ACKR1: variants seen among roughly 807,000 people sequenced by gnomAD.
ACKR1 encodes the protein atypical chemokine receptor 1 (Duffy blood group), also known as atypical chemokine receptor 1.
In ACKR1, 3 loss-of-function variants were observed where a neutral mutation model predicts 2.5. The observed-to-expected ratio is 1.18, with a 90% CI of 0.54 to 3.06. ACKR1 has a LOEUF of 3.06. ACKR1 is among the 30% of genes most tolerant of loss of function. The pLI is 0.03. For synonymous variants in ACKR1, 208 were observed against 178.2 expected, an observed-to-expected ratio of 1.17 and a Z score of -1.33; for missense variants, 438 against 395.2, an observed-to-expected ratio of 1.11 and a Z score of -0.92.
In ACKR1 at chr1:159,206,207, T is replaced by C; in HGVS notation, c.768T>C (p.His256=). The change falls in exon 2 of 2, where the codon CAT becomes CAC. Residue 256 remains histidine, a synonymous_variant. Transcript: ENST00000368122. ...LWAWFIFWWP[H]GVVLGLDFLV... is the part of the protein sequence containing the mutation. ...CCTGGTTTATTTTCTGGTGGCCTCA[T>C]GGGGTGGTTCTAGGACTGGATTTCC... 6.2e-7 allele frequency: 1 copy of C among 1,614,244 alleles called. No homozygotes were observed. The highest frequency in any genetic ancestry group is 8.5e-7 in the Non-Finnish European group (1 of 1,180,034).
chr1:159,205,347 G>C, intron 1 of ACKR1, 114 bp from the exon 2 acceptor site: 3 of 1,308,056 alleles, frequency 2.3e-6, no homozygotes, highest in South Asian at 1.4e-5. Context: ...CTCCTGCAGA[G>C]ACCTTGTTCT....
intron 1 of ACKR1, 154 bp from the exon 2 acceptor site, chr1:159,205,307 G>C: frequency 2.1e-6 from 2 of 956,516 alleles, no homozygotes; most frequent in Admixed American, 5.6e-5. Flanking sequence ...TCCCTGCTTT[G>C]TCCTTTTCCA....
intron 1 of ACKR1, 152 bp downstream of exon 1, chr1:159,205,132 C>G: frequency 1.1e-6 from 1 of 930,778 alleles, no homozygotes; most frequent in Non-Finnish European, 1.6e-6. Context: ...TTTTCCTTCT[C>G]TCCTTCCTAT....
rs753960182 is a variant in ACKR1 at position 159,206,013 on chromosome 1, G to A, written c.574G>A (p.Gly192Ser). 6.2e-7 allele frequency: 1 copy of A among 1,614,194 alleles called. No individual in the cohort carries two copies. The highest frequency in any genetic ancestry group is 1.7e-5 in the Admixed American group (1 of 60,026). ...LPVTLASGAS[G>S]GLCTLIYSTE... Reference sequence around the variant, plus strand: ...TGTCACCCTGGCCAGTGGTGCTTCTGGTGGACTCTGCACCCTGATATACAG... The same window carrying A: ...TGTCACCCTGGCCAGTGGTGCTTCTAGTGGACTCTGCACCCTGATATACAG... The change falls in exon 2 of 2, where the codon GGT becomes AGT. Residue 192 changes from glycine (G) to serine (S), a missense_variant. Coordinates refer to ENST00000368122, the MANE Select transcript of ACKR1 (RefSeq NM_002036.4).
In ACKR1 at chr1:159,206,499, A is replaced by G. The variant is rs774224009; in HGVS notation, c.*49A>G. 7 of 1,524,534 alleles carry G rather than the reference A, an allele frequency of 4.6e-6. No homozygotes were observed. The highest frequency in any genetic ancestry group is 6.2e-6 in the Non-Finnish European group (7 of 1,128,610). The allele number at this position is 1,524,534 out of a possible 1,614,324, so 94.4% of individuals were successfully genotyped here. On this transcript the variant is annotated 3_prime_UTR_variant, in exon 2 of 2. Coordinates refer to ENST00000368122, the MANE Select transcript of ACKR1 (RefSeq NM_002036.4). Reference sequence around the variant, plus strand: ...AATTAAAGTCTACACTGCCTTTGTGAAGCGGGTGGTTTCTTATTTTGTCTG... The same window carrying G: ...AATTAAAGTCTACACTGCCTTTGTGGAGCGGGTGGTTTCTTATTTTGTCTG...
chr1:159,205,563 G>T lies in ACKR1; in HGVS notation c.124G>T (p.Gly42Cys). 1 of 1,614,222 alleles carries T rather than the reference G, an allele frequency of 6.2e-7. No individual in the cohort carries two copies. The highest frequency in any genetic ancestry group is 8.5e-7 in the Non-Finnish European group (1 of 1,180,032). The change falls in exon 2 of 2, where the codon GGT (glycine) becomes TGT (cysteine). Residue 42 changes from glycine to cysteine, a missense_variant. Coordinates refer to ENST00000368122, the MANE Select transcript of ACKR1 (RefSeq NM_002036.4). ...TGATTCCTTCCCAGATGGAGACTAT[G>T]GTGCCAACCTGGAAGCAGCTGCCCC... ...VNDSFPDGDY[G>C]ANLEAAAPCH...
At chr1:159,205,071 TC>T (rs1650393582) in intron 1 of ACKR1, 91 bp downstream of exon 1, 3 of 1,435,484 alleles carry the variant, frequency 2.1e-6, no homozygotes, top group Non-Finnish European at 2.8e-6. Flanking sequence ...CTCTTCCTTT[TC>T]CTCCTCATCT....
At position 159,206,094 on chromosome 1, in the gene ACKR1, G is replaced by T. The variant is rs146219376; in HGVS notation, c.655G>T (p.Val219Phe). The change falls in exon 2 of 2, where the codon GTC (valine) becomes TTC (phenylalanine). Residue 219 changes from valine (V) to phenylalanine (F), a missense_variant. Coordinates refer to ENST00000368122, the MANE Select transcript of ACKR1 (RefSeq NM_002036.4). ...THTVACLAIFVLLPLGLFGAK... is the reference protein window; with the variant it reads ...THTVACLAIFFLLPLGLFGAK... Reference sequence around the variant, plus strand: ...CACTGTAGCCTGTCTTGCCATCTTTGTCTTGTTGCCATTGGGTTTGTTTGG... The same window carrying T: ...CACTGTAGCCTGTCTTGCCATCTTTTTCTTGTTGCCATTGGGTTTGTTTGG... The T allele has an allele frequency of 3.1e-6, 5 of 1,614,232 alleles. No homozygotes were observed. Among genetic ancestry groups the T allele is most frequent in the Non-Finnish European group, 4.2e-6 (5 of 1,180,036 alleles).
rs1650439967 is a variant in ACKR1 at position 159,206,071 on chromosome 1, C to T, written c.632C>T (p.Thr211Ile). 2 of 1,614,268 alleles carry T rather than the reference C, an allele frequency of 1.2e-6. No homozygotes were observed. The highest frequency in any genetic ancestry group is 1.7e-6 in the Non-Finnish European group (2 of 1,180,040). The change falls in exon 2 of 2, where the codon ACT becomes ATT. Residue 211 changes from threonine to isoleucine, a missense_variant. Transcript: ENST00000368122. ...CTGAAGGCTTTGCAGGCCACACACACTGTAGCCTGTCTTGCCATCTTTGTC... is the reference window on the plus strand; with the variant it reads ...CTGAAGGCTTTGCAGGCCACACACATTGTAGCCTGTCTTGCCATCTTTGTC... Reference protein sequence around the residue: ...TELKALQATHTVACLAIFVLL... With the variant: ...TELKALQATHIVACLAIFVLL...
intron 1 of ACKR1, 160 bp downstream of exon 1, chr1:159,205,140 T>G (rs1273077068): frequency 2.3e-6 from 2 of 867,184 alleles, no homozygotes; most frequent in African/African-American, 3.4e-5. Context: ...CTCTCCTTCC[T>G]ATGCTAGCCT....
At position 159,205,855 on chromosome 1, in the gene ACKR1, C is replaced by T; in HGVS notation, c.416C>T (p.Ser139Leu). The stretch of plus-strand genomic sequence containing the variant: ...CTGGGCTACTGTGTCTGGTATGGCT[C>T]AGCCTTTGCCCAGGCTTTGCTGCTA... Reference protein sequence around the residue: ...CSLGYCVWYGSAFAQALLLGC... With the variant: ...CSLGYCVWYGLAFAQALLLGC... The change falls in exon 2 of 2, where the codon TCA (serine) becomes TTA (leucine). Residue 139 changes from serine to leucine, a missense_variant. By Grantham distance (145) the Ser-to-Leu change is moderately radical (BLOSUM62 -2). Transcript: ENST00000368122. 4 of 1,614,118 alleles carry T rather than the reference C, an allele frequency of 2.5e-6. No homozygotes were observed. The highest frequency in any genetic ancestry group is 1.3e-5 in the African/African-American group (1 of 75,078).
chr1:159,205,004 A>C (rs1442492311), intron 1 of ACKR1, 24 bp downstream of exon 1: 2 of 1,613,156 alleles, frequency 1.2e-6, no homozygotes. Context: ...CAGGCCCCAG[A>C]GTCCCTTATC....
Position 159,206,028 on chromosome 1 carries a change from C to T in ACKR1, c.589C>T (p.Leu197=), listed in dbSNP as rs1300284111. The change falls in exon 2 of 2, where the codon CTG becomes TTG. Residue 197 remains leucine, a synonymous_variant. Coordinates refer to ENST00000368122, the MANE Select transcript of ACKR1 (RefSeq NM_002036.4). ...TGGTGCTTCTGGTGGACTCTGCACC[C>T]TGATATACAGCACGGAGCTGAAGGC... The part of the protein sequence containing the change: ...ASGASGGLCT[L]IYSTELKALQ... The T allele has an allele frequency of 2.5e-6, 4 of 1,614,222 alleles. No individual in the cohort carries two copies. The highest frequency in any genetic ancestry group is 1.1e-5 in the South Asian group (1 of 91,086).
Sources: gnomAD v4.1 joint callset for allele counts on GRCh38, gnomAD v4.1.1 for gene constraint, MANE v1.5 for transcripts, NCBI Gene and HGNC (gene_info 2026-07-23, HGNC 2026-07-21) for gene names.